Variants in BMP2K observed in about 807,000 individuals in gnomAD.
The protein encoded by BMP2K is BMP2 inducible kinase, also known as BMP-2-inducible protein kinase.
A neutral mutation model predicts 116.0 loss-of-function variants in BMP2K; 74 were observed. That is an observed-to-expected ratio of 0.64 (90% CI 0.53 to 0.77). The LOEUF is 0.77. Among genes scored for constraint, BMP2K ranks in the 30% least tolerant of loss-of-function variants. The pLI is 0.00. For missense variants in BMP2K, 1,365 were observed against 1,403.6 expected, an observed-to-expected ratio of 0.97 and a Z score of 0.44; for synonymous variants, 486 against 502.5, an observed-to-expected ratio of 0.97 and a Z score of 0.44.
intron 10 of BMP2K, among the ~76,000 whole-genome samples, chr4:78,867,930 T>C (rs1732135409): frequency 6.6e-6 from 1 of 152,052 alleles, no homozygotes; most frequent in African/African-American, 2.4e-5. Context: ...TGTAGTGGCA[T>C]ATGCCTGTAA....
intron 7 of BMP2K, among the ~76,000 whole-genome samples, chr4:78,852,731 G>A (rs1310827917): frequency 6.6e-6 from 1 of 151,986 alleles, no homozygotes; most frequent in Non-Finnish European, 1.5e-5. Flanking sequence ...TCAGCCTCCT[G>A]AGTAGCTGGA....
intron 1 of BMP2K, among the ~76,000 whole-genome samples, chr4:78,780,152 G>T (rs1410765521): frequency 1.3e-5 from 2 of 152,170 alleles, no homozygotes; most frequent in Non-Finnish European, 2.9e-5. Flanking sequence ...AATACTGATT[G>T]ATAATAAGTT....
chr4:78,860,049 A>C lies in BMP2K; in HGVS notation c.987+362A>C, dbSNP rs779187789. ...TTTTTTTCTTAGAAGTGTTGTAAAC[A>C]ATTACTGAGACACGGAGCACTGTTA... On this transcript the variant is annotated intron_variant, in intron 8 of 15. Coordinates refer to ENST00000502613, the MANE Select transcript of BMP2K (RefSeq NM_198892.2). 2.4e-4 allele frequency: 122 copies of C among 517,056 alleles called. 1 individual carries two copies. In the Admixed American group the frequency reaches 2.4e-3, roughly 10 times the overall value. The allele number at this position is 517,056 out of a possible 1,614,324, so 32.0% of individuals were successfully genotyped here.
At chr4:78,810,411 G>A (rs1459851627) in intron 1 of BMP2K, among the ~76,000 whole-genome samples, 2 of 151,990 alleles carry the variant, frequency 1.3e-5, no homozygotes, top group Admixed American at 6.6e-5. Flanking sequence ...TTCCTACTTC[G>A]ACTTAAGTTT....
At chr4:78,858,260 C>T (rs531121901) in intron 7 of BMP2K, among the ~76,000 whole-genome samples, 5 of 151,746 alleles carry the variant, frequency 3.3e-5, no homozygotes, top group African/African-American at 7.3e-5. Flanking sequence ...ACTGTTGTTA[C>T]GTTAAAAACA....
At chr4:78,830,582 A>G (rs377143949) in intron 2 of BMP2K, among the ~76,000 whole-genome samples, 4 of 152,216 alleles carry the variant, frequency 2.6e-5, no homozygotes, top group African/African-American at 7.2e-5. Context: ...TGTTTTGTCT[A>G]TGTTGAAAAT....
At position 78,776,393 on chromosome 4, in the gene BMP2K, G is replaced by A. The variant is rs563478630; in HGVS notation, c.-151G>A. 217 of 776,536 alleles carry A rather than the reference G, an allele frequency of 2.8e-4. 2 individuals carry two copies. The African/African-American group carries it at 3.7e-3, about 13-fold the overall frequency. The allele number at this position is 776,536 out of a possible 1,614,324, so 48.1% of individuals were successfully genotyped here. ...GAGCGGGCGGCGGGGCCCAGGCTGT[G>A]CGCTTGGGGAGCGCGGAATGTGAGG... On this transcript the variant is annotated 5_prime_UTR_variant, in exon 1 of 16. Coordinates refer to ENST00000502613, the MANE Select transcript of BMP2K (RefSeq NM_198892.2).
chr4:78,849,492 T>C (rs1731153338), intron 6 of BMP2K, among the ~76,000 whole-genome samples: 1 of 151,568 alleles, frequency 6.6e-6, no homozygotes, highest in Non-Finnish European at 1.5e-5. Context: ...TTCCTAAAGT[T>C]TGATTGACAA....
intron 10 of BMP2K, among the ~76,000 whole-genome samples, chr4:78,868,443 A>T (rs192326296): frequency 3.3e-5 from 5 of 152,268 alleles, no homozygotes; most frequent in Admixed American, 1.3e-4. Context: ...AAGTCAAACC[A>T]TATCATTCTA....
chr4:78,859,726 ATTT>A, intron 8 of BMP2K, 39 bp downstream of exon 8: 2 of 1,343,078 alleles, frequency 1.5e-6, no homozygotes, highest in East Asian at 2.3e-5. Context: ...TTTAAAATTC[ATTT>A]TATCGTATGT....
intron 1 of BMP2K, among the ~76,000 whole-genome samples, chr4:78,812,608 A>C (rs1729143596): frequency 6.6e-6 from 1 of 152,244 alleles, no homozygotes; most frequent in Non-Finnish European, 1.5e-5. Flanking sequence ...TACCCATTAA[A>C]GATTCTGATT....
chr4:78,903,095 G>T (rs906430246), intron 15 of BMP2K, among the ~76,000 whole-genome samples: 9 of 148,158 alleles, frequency 6.1e-5, no homozygotes, highest in Admixed American at 2.0e-4. Context: ...TCCCACCAAG[G>T]TATTGTATTG....
At chr4:78,808,205 C>G (rs115700941) in intron 1 of BMP2K, among the ~76,000 whole-genome samples, 2,014 of 151,774 alleles carry the variant, frequency 0.013, 41 homozygotes, top group African/African-American at 0.045. Flanking sequence ...CAGGTGCCTG[C>G]CACCACTTTT....
At chr4:78,880,740 A>AATTTT (rs1353956414) in intron 14 of BMP2K, among the ~76,000 whole-genome samples, 2 of 152,216 alleles carry the variant, frequency 1.3e-5, no homozygotes, top group African/African-American at 4.8e-5. Flanking sequence ...AATAGCTTAA[A>AATTTT]ACTTCATGAT....
At chr4:78,887,072 G>A (rs951233622) in intron 14 of BMP2K, 102 bp from the exon 15 acceptor site, 6 of 783,158 alleles carry the variant, frequency 7.7e-6, no homozygotes, top group Non-Finnish European at 1.0e-5. Context: ...AAAAAGGCTG[G>A]TGCTTTAATT....
intron 7 of BMP2K, among the ~76,000 whole-genome samples, chr4:78,858,534 C>T (rs1208469761): frequency 6.6e-6 from 1 of 151,846 alleles, no homozygotes; most frequent in African/African-American, 2.4e-5. Context: ...TTATAACTTT[C>T]CACATAACTG....
chr4:78,869,057 T>A (rs1201696016), intron 10 of BMP2K, among the ~76,000 whole-genome samples: 1 of 152,190 alleles, frequency 6.6e-6, no homozygotes, highest in African/African-American at 2.4e-5. Flanking sequence ...CACATTTCCC[T>A]TCTGCACTGC....
At chr4:78,834,077 G>A (rs1730339038) in intron 3 of BMP2K, among the ~76,000 whole-genome samples, 1 of 151,642 alleles carries the variant, frequency 6.6e-6, no homozygotes, top group Admixed American at 6.6e-5. Flanking sequence ...TAACAAATTT[G>A]GAGGATGCAT....
At chr4:78,862,923 A>T (rs1467598248) in intron 9 of BMP2K, among the ~76,000 whole-genome samples, 1 of 152,116 alleles carries the variant, frequency 6.6e-6, no homozygotes, top group African/African-American at 2.4e-5. Flanking sequence ...AGTGTTAATT[A>T]TGAATTATTG....
Sources: gnomAD v4.1 joint callset for allele counts (sites outside exome capture counted in the v4.1 genomes callset) on GRCh38, gnomAD v4.1.1 for gene constraint, MANE v1.5 for transcripts, NCBI Gene and HGNC (gene_info 2026-07-23, HGNC 2026-07-21) for gene names.